Variants in SGPP2 observed in about 807,000 individuals in gnomAD.
The protein encoded by SGPP2 is sphingosine 1-phosphate phosphohydrolase 2.
In SGPP2, 30 loss-of-function variants were observed where a neutral mutation model predicts 33.9. That is an observed-to-expected ratio of 0.89 (90% CI 0.66 to 1.20). The LOEUF (loss-of-function observed/expected upper bound fraction) is 1.20. SGPP2 is among the 50% of genes most tolerant of loss of function. SGPP2 has a pLI of 0.00. For synonymous variants in SGPP2, 233 were observed against 225.0 expected, an observed-to-expected ratio of 1.04 and a Z score of -0.32; for missense variants, 458 against 532.1, an observed-to-expected ratio of 0.86 and a Z score of 1.37.
intron 4 of SGPP2, among the ~76,000 whole-genome samples, chr2:222,552,274 A>G (rs1399116729): frequency 6.6e-6 from 1 of 152,208 alleles, no homozygotes; most frequent in African/African-American, 2.4e-5. Context: ...TAGTTCTTTA[A>G]GGAATCTCCA....
At chr2:222,535,773 A>G (rs1255710860) in intron 4 of SGPP2, among the ~76,000 whole-genome samples, 3 of 152,214 alleles carry the variant, frequency 2.0e-5, no homozygotes, top group African/African-American at 7.2e-5. Context: ...CCTGACTGGG[A>G]GGGGAAGTGG....
At chr2:222,471,399 T>C (rs1697839487) in intron 1 of SGPP2, among the ~76,000 whole-genome samples, 1 of 151,476 alleles carries the variant, frequency 6.6e-6, no homozygotes, top group African/African-American at 2.4e-5. Flanking sequence ...TACAGTTATG[T>C]TCTTGCAGTT....
At chr2:222,428,173 G>C (rs1395977075) in intron 1 of SGPP2, among the ~76,000 whole-genome samples, 1 of 152,166 alleles carries the variant, frequency 6.6e-6, no homozygotes, top group African/African-American at 2.4e-5. Context: ...GGTGGAGATC[G>C]TGTGAAAAGA....
rs142709159 is a variant in SGPP2, at chr2:222,533,512, A to C, written c.648+8479A>C. On this transcript the variant is annotated intron_variant, in intron 4 of 4. Transcript: ENST00000321276. ...AAGTTCACCACAATTGAATATGCCC[A>C]AAATCAAGTGGTTACCAGATGCGTT... Among the ~76,000 whole-genome samples, 227 of 152,342 alleles carry C rather than the reference A, an allele frequency of 1.5e-3. 1 individual carries two copies. Among genetic ancestry groups the C allele is most frequent in the Admixed American group, 0.012 (191 of 15,304 alleles).
intron 4 of SGPP2, among the ~76,000 whole-genome samples, chr2:222,556,514 C>T (rs1056065782): frequency 7.1e-6 from 1 of 140,192 alleles, no homozygotes; most frequent in Admixed American, 7.1e-5. Flanking sequence ...CCCTGACCAC[C>T]CTCACTCCTC....
chr2:222,469,737 T>C (rs901891629), intron 1 of SGPP2, among the ~76,000 whole-genome samples: 2 of 152,220 alleles, frequency 1.3e-5, no homozygotes, highest in Non-Finnish European at 2.9e-5. Flanking sequence ...TTTCCAAAGA[T>C]GTATTGAAGT....
intron 2 of SGPP2, among the ~76,000 whole-genome samples, chr2:222,513,349 A>G (rs921748313): frequency 1.3e-5 from 2 of 152,186 alleles, no homozygotes; most frequent in African/African-American, 4.8e-5. Flanking sequence ...ATAACATGCA[A>G]AGGAGCTAAG....
chr2:222,467,950 GAAAAA>G (rs61253653), intron 1 of SGPP2, among the ~76,000 whole-genome samples: 1 of 24,872 alleles, frequency 4.0e-5, no homozygotes, highest in African/African-American at 6.1e-5. Context: ...GCTCTAATCT[GAAAAA>G]AAAAAAAAAA....
At position 222,545,938 on chromosome 2, in the gene SGPP2, A is replaced by G. The variant is rs902720201; in HGVS notation, c.649-12409A>G. ...CAAAATATATCCTGTTGGTGAATTG[A>G]TGCACGCTGATTGGATACAGCGACT... On this transcript the variant is annotated intron_variant, in intron 4 of 4. Coordinates refer to ENST00000321276, the MANE Select transcript of SGPP2 (RefSeq NM_152386.4). 2.6e-5 allele frequency among the ~76,000 whole-genome samples: 4 copies of G among 152,284 alleles called. No homozygotes were observed. The East Asian group carries it at 5.8e-4, about 22-fold the overall frequency.
At chr2:222,483,715 CAA>C (rs1187285730) in intron 2 of SGPP2, among the ~76,000 whole-genome samples, 1 of 152,174 alleles carries the variant, frequency 6.6e-6, no homozygotes, top group South Asian at 2.1e-4. Flanking sequence ...TGGTTAAAGA[CAA>C]GAGGGAAAAA....
chr2:222,481,781 G>A (rs552426945), intron 2 of SGPP2, among the ~76,000 whole-genome samples: 52 of 152,252 alleles, frequency 3.4e-4, no homozygotes, highest in African/African-American at 1.2e-3. Context: ...GGTACATGCT[G>A]CCTGAACTCC....
At chr2:222,447,036 G>T (rs1383271070) in intron 1 of SGPP2, among the ~76,000 whole-genome samples, 1 of 152,150 alleles carries the variant, frequency 6.6e-6, no homozygotes, top group African/African-American at 2.4e-5. Flanking sequence ...GCTGACATTT[G>T]TTCAGCTGCT....
At chr2:222,558,197 A>G in intron 4 of SGPP2, 150 bp from the exon 5 acceptor site, 1 of 877,596 alleles carries the variant, frequency 1.1e-6, no homozygotes. Context: ...AAGTTTTAGA[A>G]CTTTACACTT....
chr2:222,493,806 T>G lies in SGPP2; in HGVS notation c.378+19080T>G, dbSNP rs373634074. ...CCTAAAATTAATGATCTCTTTGGAG[T>G]GTTACATAAGATTTATAGGAGGCTA... On this transcript the variant is annotated intron_variant, in intron 2 of 4. Coordinates refer to ENST00000321276, the MANE Select transcript of SGPP2 (RefSeq NM_152386.4). Among the ~76,000 whole-genome samples the G allele has an allele frequency of 8.5e-5, 13 of 152,200 alleles. No homozygotes were observed. In the East Asian group the frequency reaches 2.1e-3, roughly 25 times the overall value.
At chr2:222,445,531 G>A (rs1559145587) in intron 1 of SGPP2, among the ~76,000 whole-genome samples, 1 of 152,200 alleles carries the variant, frequency 6.6e-6, no homozygotes, top group African/African-American at 2.4e-5. Flanking sequence ...AAATTCCAGA[G>A]AGAAGGAGAA....
intron 1 of SGPP2, among the ~76,000 whole-genome samples, chr2:222,446,471 G>A (rs960739499): frequency 2.0e-5 from 3 of 152,192 alleles, no homozygotes; most frequent in African/African-American, 4.8e-5. Flanking sequence ...GTTGCTATCC[G>A]GGGGAATAGC....
At position 222,497,847 on chromosome 2, in the gene SGPP2, A is replaced by G. The variant is rs370762457; in HGVS notation, c.378+23121A>G. ...GGAAGAGCAGAAACCTACTTTAGAG[A>G]AGGTGGTTGGAGAGGGGCACTTTGT... On this transcript the variant is annotated intron_variant, in intron 2 of 4. Transcript: ENST00000321276. 3.9e-5 allele frequency among the ~76,000 whole-genome samples: 6 copies of G among 152,286 alleles called. No homozygotes were observed. The East Asian group carries it at 5.8e-4, about 15-fold the overall frequency.
chr2:222,471,391 C>T (rs1697839335), intron 1 of SGPP2, among the ~76,000 whole-genome samples: 2 of 151,934 alleles, frequency 1.3e-5, no homozygotes, highest in South Asian at 2.1e-4. Context: ...GTGTCAAGTA[C>T]AGTTATGTTC....
In SGPP2 at chr2:222,562,371, C is replaced by T. The variant is rs1402259143; in HGVS notation, c.*3473C>T. 1.3e-5 allele frequency among the ~76,000 whole-genome samples: 2 copies of T among 152,088 alleles called. No homozygotes were observed. Among genetic ancestry groups the T allele is most frequent in the Non-Finnish European group, 2.9e-5 (2 of 68,030 alleles). ...GTAGAAGACACCCCTGAATTAAAAACACTTACATAGCAGTGGCTGGAATTA... is the reference window on the plus strand; with the variant it reads ...GTAGAAGACACCCCTGAATTAAAAATACTTACATAGCAGTGGCTGGAATTA... On this transcript the variant is annotated 3_prime_UTR_variant, in exon 5 of 5. Transcript: ENST00000321276.
Sources: gnomAD v4.1 joint callset for allele counts (sites outside exome capture counted in the v4.1 genomes callset) on GRCh38, gnomAD v4.1.1 for gene constraint, MANE v1.5 for transcripts, NCBI Gene and HGNC (gene_info 2026-07-23, HGNC 2026-07-21) for gene names.